The following RBX1 variants were observed in gnomAD, a reference collection of about 807,000 sequenced individuals.
The protein encoded by RBX1 is ring-box 1.
For synonymous variants in RBX1, 48 were observed against 47.9 expected (o/e 1.00, Z -0.01); for missense variants, 46 against 141.4 (o/e 0.33, Z 3.42).
At chr22:40,952,983 C>CTTTTTTTTTTTTTTTTTTTT (rs34618218) in intron 1 of RBX1, among the ~76,000 whole-genome samples, 2 of 86,900 alleles carry the variant, frequency 2.3e-5, no homozygotes, top group Non-Finnish European at 4.5e-5. Context: ...AGTTTGTGCC[C>CTTTTTTTTTTTTTTTTTTTT]TTTTTTTTTT....
chr22:40,959,530 G>T (rs2058334205), intron 2 of RBX1, among the ~76,000 whole-genome samples: 1 of 152,144 alleles, frequency 6.6e-6, no homozygotes, highest in Non-Finnish European at 1.5e-5. Context: ...AATGAATCTG[G>T]CCGGGCTCGG....
intron 1 of RBX1, among the ~76,000 whole-genome samples, chr22:40,951,786 G>T (rs1416219842): frequency 6.6e-6 from 1 of 151,460 alleles, no homozygotes; most frequent in African/African-American, 2.4e-5. Flanking sequence ...GTTGAGAGGT[G>T]GGGGAAGGAC....
chr22:40,955,823 T>A (rs2058323930), intron 2 of RBX1, among the ~76,000 whole-genome samples: 1 of 152,226 alleles, frequency 6.6e-6, no homozygotes, highest in Non-Finnish European at 1.5e-5. Context: ...ACTGTTTATC[T>A]CTTCACACTA....
intron 2 of RBX1, 123 bp downstream of exon 2, chr22:40,953,756 C>T (rs1000126795): frequency 5.9e-6 from 4 of 679,076 alleles, no homozygotes; most frequent in African/African-American, 5.3e-5. Context: ...ACTCGGTCTT[C>T]TGTATCTAGT....
In RBX1 at chr22:40,951,385, CGT is replaced by C; in HGVS notation, c.-9_-8del. ...CAGGCGCGGTGGTCGGACGACAGACCGTGTGTTTCCAAAATGGCGGCAGCGAT... is the reference window on the plus strand; with the variant it reads ...CAGGCGCGGTGGTCGGACGACAGACCGTGTTTCCAAAATGGCGGCAGCGAT... On this transcript the variant is annotated 5_prime_UTR_variant, in exon 1 of 5. Coordinates refer to ENST00000216225, the MANE Select transcript of RBX1 (RefSeq NM_014248.4). 6.2e-7 allele frequency: 1 copy of C among 1,612,044 alleles called. No individual in the cohort carries two copies. Among genetic ancestry groups the C allele is most frequent in the Non-Finnish European group, 8.5e-7 (1 of 1,178,852 alleles).
Position 40,972,561 on chromosome 22 carries a change from C to T in RBX1, c.*73C>T. On this transcript the variant is annotated 3_prime_UTR_variant, in exon 5 of 5. Coordinates refer to ENST00000216225, the MANE Select transcript of RBX1 (RefSeq NM_014248.4). ...GACTTTCCCTGCTGTTACCTAATTACAAATTGGATGGAACTGTGTTTTTTT... is the reference window on the plus strand; with the variant it reads ...GACTTTCCCTGCTGTTACCTAATTATAAATTGGATGGAACTGTGTTTTTTT... 1 of 1,224,416 alleles carries T rather than the reference C, an allele frequency of 8.2e-7. No individual in the cohort carries two copies. The highest frequency in any genetic ancestry group is 1.2e-6 in the Non-Finnish European group (1 of 831,276). 75.8% of individuals were successfully genotyped at this position (1,224,416 alleles called of 1,614,324 possible).
At chr22:40,959,013 C>T (rs756444454) in intron 2 of RBX1, among the ~76,000 whole-genome samples, 4 of 152,140 alleles carry the variant, frequency 2.6e-5, no homozygotes, top group African/African-American at 2.4e-5. Context: ...AGGGTTTCAC[C>T]ATGTTGGCCA....
chr22:40,953,508 T>C (rs1249867798), intron 1 of RBX1, 47 bp from the exon 2 acceptor site: 7 of 1,218,412 alleles, frequency 5.7e-6, no homozygotes, highest in Non-Finnish European at 7.3e-6. Flanking sequence ...AGAGTATGTG[T>C]GTGTGTTACA....
At chr22:40,968,408 C>T (rs747022733) in intron 4 of RBX1, among the ~76,000 whole-genome samples, 13 of 151,956 alleles carry the variant, frequency 8.6e-5, no homozygotes, top group Non-Finnish European at 1.5e-4. Flanking sequence ...CAACCTTCTA[C>T]GGTCTGTGAA....
At chr22:40,956,717 C>T (rs556524104) in intron 2 of RBX1, among the ~76,000 whole-genome samples, 6 of 151,858 alleles carry the variant, frequency 4.0e-5, no homozygotes, top group East Asian at 2.0e-4. Context: ...CCACCATGTC[C>T]GACCTCAAGT....
At chr22:40,970,350 C>CAA (rs1000627504) in intron 4 of RBX1, among the ~76,000 whole-genome samples, 9 of 101,564 alleles carry the variant, frequency 8.9e-5, no homozygotes, top group African/African-American at 2.2e-4. Flanking sequence ...AACTTCGTCT[C>CAA]AAAAAAAAAA....
At chr22:40,964,000 G>A (rs201608358) in intron 2 of RBX1, 47 bp from the exon 3 acceptor site, 14 of 1,451,388 alleles carry the variant, frequency 9.6e-6, no homozygotes, top group African/African-American at 2.8e-5. Context: ...AGATTGAAAC[G>A]TTGCTGCTCC....
At position 40,972,130 on chromosome 22, in the gene RBX1, G is replaced by A. The variant is rs536575635; in HGVS notation, c.315-346G>A. On this transcript the variant is annotated intron_variant, in intron 4 of 4. Transcript: ENST00000216225. ...GAAAGTTCAAACTGTCTGAGCCCCTGTTGGGAGTGAGCAGGCGGAGCTCCC... is the reference window on the plus strand; with the variant it reads ...GAAAGTTCAAACTGTCTGAGCCCCTATTGGGAGTGAGCAGGCGGAGCTCCC... Among the ~76,000 whole-genome samples the A allele has an allele frequency of 2.6e-4, 39 of 152,324 alleles. No individual in the cohort carries two copies. The South Asian group carries it at 6.4e-3, about 25-fold the overall frequency.
At position 40,967,855 on chromosome 22, in the gene RBX1, A is replaced by G. The variant is rs763916851; in HGVS notation, c.285A>G (p.Pro95=). Residue 95 remains proline, a synonymous_variant, in exon 4 of 5, where the codon CCA becomes CCG. Transcript: ENST00000216225. The part of the protein sequence containing the change: ...SRWLKTRQVC[P]LDNREWEFQK... ...GGCTCAAAACACGACAGGTGTGTCCATTGGACAACAGAGAGTGGGAATTCC... is the reference window on the plus strand; with the variant it reads ...GGCTCAAAACACGACAGGTGTGTCCGTTGGACAACAGAGAGTGGGAATTCC... 5.0e-6 allele frequency: 8 copies of G among 1,613,798 alleles called. No homozygotes were observed. Among genetic ancestry groups the G allele is most frequent in the South Asian group, 2.2e-5 (2 of 91,080 alleles).
At chr22:40,952,171 A>T (rs1393347898) in intron 1 of RBX1, among the ~76,000 whole-genome samples, 2 of 152,182 alleles carry the variant, frequency 1.3e-5, no homozygotes, top group African/African-American at 2.4e-5. Context: ...TTGTTAAGAA[A>T]ATCCGAGCCC....
chr22:40,962,090 GGTTT>G (rs537349410), intron 2 of RBX1, among the ~76,000 whole-genome samples: 96 of 151,762 alleles, frequency 6.3e-4, no homozygotes, highest in Admixed American at 1.5e-3. Context: ...AGCCTTTTAT[GGTTT>G]GTTTGTTTGT....
intron 3 of RBX1, among the ~76,000 whole-genome samples, chr22:40,964,946 A>G (rs186212748): frequency 2.6e-5 from 4 of 152,342 alleles, no homozygotes; most frequent in Admixed American, 2.6e-4. Flanking sequence ...TCCGGATTAG[A>G]TGATTTATGT....
intron 2 of RBX1, among the ~76,000 whole-genome samples, chr22:40,957,153 C>T (rs2058327900): frequency 6.6e-6 from 1 of 151,784 alleles, no homozygotes; most frequent in East Asian, 2.0e-4. Flanking sequence ...CCAGACCATC[C>T]TGGCCAACAC....
intron 4 of RBX1, among the ~76,000 whole-genome samples, chr22:40,968,291 A>T (rs1483388876): frequency 6.6e-6 from 1 of 152,098 alleles, no homozygotes; most frequent in Admixed American, 6.6e-5. Flanking sequence ...GGGTTTCACC[A>T]TGTTGGCCAG....
Sources: allele counts gnomAD v4.1 joint callset (sites outside exome capture counted in the v4.1 genomes callset), GRCh38; gene constraint gnomAD v4.1.1; transcripts MANE v1.5; gene names NCBI Gene and HGNC (gene_info 2026-07-23, HGNC 2026-07-21).